The following ASIC2 variants were observed in gnomAD, a reference collection of about 807,000 sequenced individuals.
The protein encoded by ASIC2 is acid-sensing ion channel 2.
ASIC2 carries 25 observed loss-of-function variants against 57.3 expected under a neutral mutation model. That is an observed-to-expected ratio of 0.44 (90% CI 0.32 to 0.61). The LOEUF (loss-of-function observed/expected upper bound fraction) is 0.61, where lower values mean the gene tolerates loss of function less well. Among genes scored for constraint, ASIC2 ranks in the 20% least tolerant of loss-of-function variants. The probability of loss-of-function intolerance (pLI) is 0.06; values close to 1 mark genes in which losing one functional copy is unlikely to be tolerated. For missense variants in ASIC2, 641 were observed against 738.1 expected, an observed-to-expected ratio of 0.87 and a Z score of 1.52; for synonymous variants, 319 against 307.5, an observed-to-expected ratio of 1.04 and a Z score of -0.39.
Position 33,061,812 on chromosome 17 carries a change from G to A in ASIC2, c.987+27051C>T, listed in dbSNP as rs1367112484. Among the ~76,000 whole-genome samples the A allele has an allele frequency of 2.0e-5, 3 of 152,118 alleles. No individual in the cohort carries two copies. In the East Asian group the frequency reaches 5.8e-4, roughly 29 times the overall value. On this transcript the variant is annotated intron_variant, in intron 3 of 9. Coordinates refer to ENST00000225823, the MANE Select transcript of ASIC2 (RefSeq NM_183377.2). The stretch of plus-strand genomic sequence containing the variant: ...GTCTTGGACTTTTTTTGGTTGGTAA[G>A]CTATTAATTATTGCCTCAATTTCAG...
intron 3 of ASIC2, among the ~76,000 whole-genome samples, chr17:33,085,278 A>C: frequency 6.6e-6 from 1 of 152,252 alleles, no homozygotes; most frequent in East Asian, 1.9e-4. Context: ...ACCATATACT[A>C]TAAGATGCAC....
At chr17:33,877,674 C>T (rs1037416057) in intron 1 of ASIC2, among the ~76,000 whole-genome samples, 24 of 152,240 alleles carry the variant, frequency 1.6e-4, no homozygotes, top group African/African-American at 5.8e-4. Flanking sequence ...TAGACTCCAC[C>T]TCTGGGGGCA....
Position 33,255,838 on chromosome 17 carries a change from T to C in ASIC2, c.708+35570A>G, listed in dbSNP as rs147361231. 4.5e-3 allele frequency among the ~76,000 whole-genome samples: 681 copies of C among 152,342 alleles called. 6 individuals are homozygous for C. The highest frequency in any genetic ancestry group is 0.015 in the African/African-American group (625 of 41,574). On this transcript the variant is annotated intron_variant, in intron 1 of 9. Coordinates refer to ENST00000225823, the MANE Select transcript of ASIC2 (RefSeq NM_183377.2). ...CTGGATGCTTCACTAGAGTAACTTA[T>C]TAACTCTTTTAATTTGGAAATTATC...
chr17:34,091,714 T>C (rs1292201491), intron 1 of ASIC2, among the ~76,000 whole-genome samples: 1 of 152,240 alleles, frequency 6.6e-6, no homozygotes, highest in African/African-American at 2.4e-5. Flanking sequence ...AACCAGTCCA[T>C]GGCACTATTG....
intron 1 of ASIC2, among the ~76,000 whole-genome samples, chr17:33,566,330 G>A (rs1916232722): frequency 6.6e-6 from 1 of 152,138 alleles, no homozygotes; most frequent in Non-Finnish European, 1.5e-5. Flanking sequence ...TTCCTATAAA[G>A]GAGCCACCCC....
At position 33,850,921 on chromosome 17, in the gene ASIC2, T is replaced by C. The variant is rs78184948; in HGVS notation, c.555+305057A>G. ...ACTTGGCCGTCCCAGCCCATTAACC[T>C]GGGGCAAGGTTGGAAAACTACACCC... is the stretch of plus-strand genomic sequence containing the variant. On this transcript the variant is annotated intron_variant, in intron 1 of 9. Transcript: ENST00000359872. 2.2e-4 allele frequency among the ~76,000 whole-genome samples: 34 copies of C among 152,172 alleles called. 1 individual carries two copies. The East Asian group carries it at 6.4e-3, about 29-fold the overall frequency.
At chr17:33,969,976 C>T (rs114259274) in intron 1 of ASIC2, among the ~76,000 whole-genome samples, 3,461 of 152,248 alleles carry the variant, frequency 0.023, 106 homozygotes, top group African/African-American at 0.06. Flanking sequence ...AGCTGTCTTA[C>T]ACCACACAGC....
At chr17:33,286,648 C>G (rs1049400052) in intron 1 of ASIC2, among the ~76,000 whole-genome samples, 3 of 152,198 alleles carry the variant, frequency 2.0e-5, no homozygotes, top group African/African-American at 7.2e-5. Flanking sequence ...TCCTCTTTCT[C>G]TCCTTTTCTA....
intron 1 of ASIC2, among the ~76,000 whole-genome samples, chr17:34,090,714 A>G: frequency 6.6e-6 from 1 of 152,214 alleles, no homozygotes; most frequent in Non-Finnish European, 1.5e-5. Flanking sequence ...GACCCTCAGT[A>G]ATGGGCCACT....
intron 3 of ASIC2, among the ~76,000 whole-genome samples, chr17:33,061,590 C>T (rs761073269): frequency 3.3e-5 from 5 of 152,184 alleles, no homozygotes; most frequent in Non-Finnish European, 7.4e-5. Context: ...ATTTTTGCAT[C>T]GATGTTCATC....
At chr17:33,897,378 C>A (rs1312847638) in intron 1 of ASIC2, among the ~76,000 whole-genome samples, 1 of 152,226 alleles carries the variant, frequency 6.6e-6, no homozygotes, top group Non-Finnish European at 1.5e-5. Context: ...TATGGCATCC[C>A]ACCCCATTGC....
intron 1 of ASIC2, among the ~76,000 whole-genome samples, chr17:33,262,599 A>C (rs1909324944): frequency 6.6e-6 from 1 of 152,192 alleles, no homozygotes; most frequent in South Asian, 2.1e-4. Context: ...AAACTTACCT[A>C]TCAAAATATC....
At chr17:33,907,080 AG>A in intron 1 of ASIC2, among the ~76,000 whole-genome samples, 2 of 152,144 alleles carry the variant, frequency 1.3e-5, no homozygotes, top group Middle Eastern at 6.8e-3. Flanking sequence ...TCCTTGGGAG[AG>A]GGGGCTGGCT....
chr17:33,389,101 A>C (rs2141951404), intron 1 of ASIC2, among the ~76,000 whole-genome samples: 1 of 152,354 alleles, frequency 6.6e-6, no homozygotes, highest in Admixed American at 6.5e-5. Context: ...CTGGGATTAC[A>C]GGCACAAGCC....
chr17:33,507,179 T>C (rs1019268658), intron 1 of ASIC2, among the ~76,000 whole-genome samples: 2 of 152,146 alleles, frequency 1.3e-5, no homozygotes. Flanking sequence ...TGAAAACAGC[T>C]CTGTTTACAA....
chr17:34,024,302 G>A (rs1378492547), intron 1 of ASIC2, among the ~76,000 whole-genome samples: 3 of 152,168 alleles, frequency 2.0e-5, no homozygotes, highest in Non-Finnish European at 4.4e-5. Flanking sequence ...GCACTACTTA[G>A]AAACTAATGA....
chr17:33,732,100 G>T (rs1303371881), intron 1 of ASIC2, among the ~76,000 whole-genome samples: 2 of 152,194 alleles, frequency 1.3e-5, no homozygotes, highest in African/African-American at 4.8e-5. Context: ...CTTTGATTCA[G>T]CAATTCCACT....
chr17:33,378,637 G>A (rs1909366711), intron 1 of ASIC2, among the ~76,000 whole-genome samples: 1 of 152,268 alleles, frequency 6.6e-6, no homozygotes, highest in Non-Finnish European at 1.5e-5. Context: ...TACGCAGCAG[G>A]CTTTTGGTGA....
intron 1 of ASIC2, among the ~76,000 whole-genome samples, chr17:33,457,233 CTT>C (rs1429644857): frequency 7.0e-6 from 1 of 143,758 alleles, no homozygotes; most frequent in Admixed American, 7.0e-5. Context: ...TAAATTTAGC[CTT>C]TTTTGTTTTT....
Sources: allele counts gnomAD v4.1 joint callset (sites outside exome capture counted in the v4.1 genomes callset), GRCh38; gene constraint gnomAD v4.1.1; transcripts MANE v1.5; gene names NCBI Gene and HGNC (gene_info 2026-07-23, HGNC 2026-07-21).